The following SLC22A24 variants were observed in gnomAD, a reference collection of about 807,000 sequenced individuals.
SLC22A24 encodes steroid transmembrane transporter SLC22A24.
A neutral mutation model predicts 49.8 loss-of-function variants in SLC22A24; 53 were observed. The observed-to-expected ratio is 1.06, with a 90% CI of 0.85 to 1.34. The LOEUF (loss-of-function observed/expected upper bound fraction) is 1.34, where lower values mean the gene tolerates loss of function less well. SLC22A24 is among the 40% of genes most tolerant of loss of function. The pLI is 0.00. For synonymous variants in SLC22A24, 302 were observed against 256.4 expected, an observed-to-expected ratio of 1.18 and a Z score of -1.70; for missense variants, 786 against 675.9, an observed-to-expected ratio of 1.16 and a Z score of -1.81.
At chr11:63,125,941 C>A (rs963876768) in intron 2 of SLC22A24, among the ~76,000 whole-genome samples, 1 of 152,154 alleles carries the variant, frequency 6.6e-6, no homozygotes, top group Non-Finnish European at 1.5e-5. Flanking sequence ...TGTTGGTTGG[C>A]TGCATAAATG....
At chr11:63,085,026 G>T (rs1322552846) in intron 6 of SLC22A24, among the ~76,000 whole-genome samples, 1 of 151,786 alleles carries the variant, frequency 6.6e-6, no homozygotes, top group Non-Finnish European at 1.5e-5. Context: ...GAACCACAGA[G>T]CAGGTTTAAG....
chr11:63,112,767 A>T (rs1282504178), intron 4 of SLC22A24, among the ~76,000 whole-genome samples: 3 of 151,734 alleles, frequency 2.0e-5, no homozygotes, highest in African/African-American at 4.8e-5. Flanking sequence ...GACTCCCAGC[A>T]CTTTGGGAGG....
chr11:63,123,045 T>A (rs557237085), intron 2 of SLC22A24, among the ~76,000 whole-genome samples: 2 of 152,166 alleles, frequency 1.3e-5, no homozygotes, highest in East Asian at 3.9e-4. Context: ...TGGTATAGAA[T>A]ACTATGTGCA....
At chr11:63,100,602 G>T (rs1434584331) in intron 5 of SLC22A24, among the ~76,000 whole-genome samples, 1 of 152,000 alleles carries the variant, frequency 6.6e-6, no homozygotes, top group Non-Finnish European at 1.5e-5. Context: ...AATAGCCAAA[G>T]CTACTCTGAG....
chr11:63,122,052 T>C (rs1290291737), intron 2 of SLC22A24, among the ~76,000 whole-genome samples: 1 of 152,144 alleles, frequency 6.6e-6, no homozygotes, highest in African/African-American at 2.4e-5. Flanking sequence ...TATTACCTCA[T>C]CAATAAGGAA....
intron 1 of SLC22A24, among the ~76,000 whole-genome samples, chr11:63,141,848 T>C (rs2087417550): frequency 6.6e-6 from 1 of 152,238 alleles, no homozygotes; most frequent in Non-Finnish European, 1.5e-5. Context: ...TTGTAAACTG[T>C]AAGTCAGTTC....
chr11:63,141,588 A>C (rs1291227728), intron 1 of SLC22A24, among the ~76,000 whole-genome samples: 1 of 152,176 alleles, frequency 6.6e-6, no homozygotes, highest in Admixed American at 6.5e-5. Context: ...GACCTGTGTT[A>C]AGTAAAGAAT....
chr11:63,082,994 A>G (rs1226085329), intron 7 of SLC22A24, among the ~76,000 whole-genome samples: 1 of 152,242 alleles, frequency 6.6e-6, no homozygotes, highest in Admixed American at 6.5e-5. Context: ...GCCCATGTCC[A>G]GATTCATCTT....
chr11:63,143,633 G>A lies in SLC22A24; in HGVS notation c.147C>T (p.Cys49=), dbSNP rs2087432158. 2 of 1,594,712 alleles carry A rather than the reference G, an allele frequency of 1.3e-6. No individual in the cohort carries two copies. The highest frequency in any genetic ancestry group is 1.7e-6 in the Non-Finnish European group (2 of 1,170,982). ...TGTCATTGTCCAGGAGGGGGACCCA[G>A]CAGCGATGACTAGGGGTGAATGCAG... ...NFTAFTPSHR[C]WVPLLDNDTV... is the part of the protein sequence containing the mutation. The change falls in exon 1 of 10, where the codon TGC becomes TGT. Residue 49 remains cysteine (C), a synonymous_variant. Coordinates refer to ENST00000612278, the MANE Select transcript of SLC22A24 (RefSeq NM_001136506.2).
chr11:63,103,931 A>G (rs1565328157), intron 5 of SLC22A24, among the ~76,000 whole-genome samples: 1 of 152,192 alleles, frequency 6.6e-6, no homozygotes, highest in Admixed American at 6.6e-5. Context: ...CTATACGTCT[A>G]GGGTAAGAGC....
chr11:63,132,523 A>G (rs1054938561), intron 2 of SLC22A24, among the ~76,000 whole-genome samples: 3 of 152,072 alleles, frequency 2.0e-5, no homozygotes, highest in Admixed American at 1.3e-4. Flanking sequence ...GTTAGTTTTC[A>G]TTCTAACAGT....
At position 63,118,961 on chromosome 11, in the gene SLC22A24, A is replaced by G; in HGVS notation, c.781T>C (p.Leu261=). Residue 261 remains leucine, a synonymous_variant, in exon 4 of 10, where the codon TTG becomes CTG. Transcript: ENST00000612278. ...LAFAIQDWHI[L]QLTVSTPIIV... ...ATGGGTGTAGACACAGTCAGTTGCA[A>G]TATGTGCCAGTCCTGAATGGCAAAA... 1.9e-6 allele frequency: 3 copies of G among 1,552,022 alleles called. No homozygotes were observed. The highest frequency in any genetic ancestry group is 1.7e-4 in the Middle Eastern group (1 of 5,994).
intron 2 of SLC22A24, among the ~76,000 whole-genome samples, chr11:63,119,911 A>G (rs1333098806): frequency 3.9e-5 from 6 of 152,094 alleles, no homozygotes; most frequent in Admixed American, 3.3e-4. Flanking sequence ...TGGCTGCATA[A>G]ATGTCTTCTT....
In SLC22A24 at chr11:63,119,221, C is replaced by A; in HGVS notation, c.621G>T (p.Gly207=). ...TTCCCAAAATAGTCATGGTGGAGAA[C>A]CCTGCCAAGAAGCGCAGTATGCAGT... is the stretch of plus-strand genomic sequence containing the variant. ...LVYCILRFLA[G]FSTMTILGNT... is the part of the protein sequence containing the mutation. The change falls in exon 3 of 10, where the codon GGG becomes GGT. Residue 207 remains glycine, a synonymous_variant. Coordinates refer to ENST00000612278, the MANE Select transcript of SLC22A24 (RefSeq NM_001136506.2). 1 of 1,550,000 alleles carries A rather than the reference C, an allele frequency of 6.5e-7. No homozygotes were observed. The highest frequency in any genetic ancestry group is 8.7e-7 in the Non-Finnish European group (1 of 1,146,486).
rs1306386774 is a variant in SLC22A24 at position 63,095,876 on chromosome 11, TTTCTC to T, written c.1070+110_1070+114del. ...TTAGAGGCATACATTTGTATGTGAT[TTTCTC>T]TTCTCTTATGTATTAAATGTCCTCC... is the stretch of plus-strand genomic sequence containing the variant. On this transcript the variant is annotated intron_variant, in intron 6 of 9. Coordinates refer to ENST00000612278, the MANE Select transcript of SLC22A24 (RefSeq NM_001136506.2). 6 of 755,542 alleles carry T rather than the reference TTTCTC, an allele frequency of 7.9e-6. No individual in the cohort carries two copies. In the African/African-American group the frequency reaches 1.1e-4, roughly 13 times the overall value. The allele number at this position is 755,542 out of a possible 1,614,324, so 46.8% of individuals were successfully genotyped here. A position where few individuals can be genotyped will look rare whatever the true frequency, so the allele number is the denominator to read the frequency against.
chr11:63,104,781 T>C (rs2087110401), intron 4 of SLC22A24, among the ~76,000 whole-genome samples: 1 of 152,120 alleles, frequency 6.6e-6, no homozygotes, highest in Non-Finnish European at 1.5e-5. Context: ...GGTCCCTCAC[T>C]AAACCAGATC....
intron 4 of SLC22A24, among the ~76,000 whole-genome samples, chr11:63,106,338 G>C (rs7396090): frequency 0.77 from 116,532 of 152,052 alleles, 46,665 homozygotes; most frequent in East Asian, 0.9. Flanking sequence ...ATCGTTGTTG[G>C]ACATTTAGGT....
intron 6 of SLC22A24, among the ~76,000 whole-genome samples, chr11:63,087,685 T>A (rs898710903): frequency 6.6e-6 from 1 of 152,180 alleles, no homozygotes; most frequent in Non-Finnish European, 1.5e-5. Flanking sequence ...GGCTTGAAAT[T>A]CTTGCTGCCA....
At chr11:63,126,518 A>G (rs1281980895) in intron 2 of SLC22A24, among the ~76,000 whole-genome samples, 1 of 152,120 alleles carries the variant, frequency 6.6e-6, no homozygotes, top group African/African-American at 2.4e-5. Flanking sequence ...ATTGGTCTAT[A>G]TATCTGTTTT....
Sources: allele counts gnomAD v4.1 joint callset (sites outside exome capture counted in the v4.1 genomes callset), GRCh38; gene constraint gnomAD v4.1.1; transcripts MANE v1.5; gene names NCBI Gene and HGNC (gene_info 2026-07-23, HGNC 2026-07-21).